The following ALK variants were observed in gnomAD, a reference collection of about 807,000 sequenced individuals.
ALK encodes the protein ALK tyrosine kinase receptor.
ALK carries 74 observed loss-of-function variants against 163.1 expected under a neutral mutation model. That is an observed-to-expected ratio of 0.45 (90% CI 0.38 to 0.55). The LOEUF is 0.55. Ranked by LOEUF, ALK falls within the 20% of genes least tolerant of loss-of-function variation. ALK has a pLI of 0.00. For synonymous variants in ALK, 960 were observed against 843.2 expected, an observed-to-expected ratio of 1.14 and a Z score of -2.40; for missense variants, 2,063 against 2,105.3, an observed-to-expected ratio of 0.98 and a Z score of 0.39.
chr2:29,519,751 G>C (rs182020094), intron 4 of ALK, among the ~76,000 whole-genome samples: 2 of 152,214 alleles, frequency 1.3e-5, no homozygotes, highest in Non-Finnish European at 2.9e-5. Flanking sequence ...AGGCCACTGC[G>C]AGAAAGGCTG....
At chr2:29,611,792 G>A (rs1233549851) in intron 3 of ALK, among the ~76,000 whole-genome samples, 2 of 152,094 alleles carry the variant, frequency 1.3e-5, no homozygotes, top group African/African-American at 2.4e-5. Context: ...CCTGCCACAG[G>A]TGTTTGCTTC....
chr2:29,432,428 C>T (rs948495141), intron 4 of ALK, among the ~76,000 whole-genome samples: 20 of 152,122 alleles, frequency 1.3e-4, no homozygotes, highest in East Asian at 5.8e-4. Context: ...CATCAGAAGC[C>T]GAACAGATGC....
At chr2:29,524,899 A>G (rs1672917147) in intron 4 of ALK, among the ~76,000 whole-genome samples, 2 of 151,838 alleles carry the variant, frequency 1.3e-5, no homozygotes, top group Non-Finnish European at 2.9e-5. Context: ...GGGTAGATGG[A>G]TGGATGGATA....
intron 4 of ALK, among the ~76,000 whole-genome samples, chr2:29,413,896 C>A (rs1454239428): frequency 1.3e-5 from 2 of 152,206 alleles, no homozygotes; most frequent in Non-Finnish European, 2.9e-5. Context: ...AACTCCTGAC[C>A]TCAGGTGACC....
At chr2:29,275,948 G>A (rs145844762) in intron 9 of ALK, among the ~76,000 whole-genome samples, 102 of 152,274 alleles carry the variant, frequency 6.7e-4, no homozygotes, top group African/African-American at 2.3e-3. Context: ...GGAGAAATGG[G>A]TAGGTCTGAC....
intron 1 of ALK, among the ~76,000 whole-genome samples, chr2:29,732,538 G>A (rs1161276262): frequency 1.3e-5 from 2 of 152,196 alleles, no homozygotes; most frequent in African/African-American, 4.8e-5. Flanking sequence ...AAGACTTGAG[G>A]AAGATGTGTT....
At chr2:29,675,030 T>A (rs1677831490) in intron 3 of ALK, among the ~76,000 whole-genome samples, 1 of 151,708 alleles carries the variant, frequency 6.6e-6, no homozygotes, top group South Asian at 2.1e-4. Context: ...ATCCCCTTTA[T>A]CATTTTTTAT....
At chr2:29,303,183 C>G (rs1404702551) in intron 8 of ALK, among the ~76,000 whole-genome samples, 1 of 152,052 alleles carries the variant, frequency 6.6e-6, no homozygotes, top group African/African-American at 2.4e-5. Context: ...AACCAAATAA[C>G]TTCATTAAAA....
intron 3 of ALK, among the ~76,000 whole-genome samples, chr2:29,593,197 C>A (rs868737583): frequency 1.3e-5 from 2 of 152,072 alleles, no homozygotes; most frequent in Admixed American, 1.3e-4. Context: ...ATGAAGCCAA[C>A]GTAACATTGG....
intron 3 of ALK, among the ~76,000 whole-genome samples, chr2:29,664,409 TCA>T (rs1677443193): frequency 6.6e-6 from 1 of 152,154 alleles, no homozygotes; most frequent in South Asian, 2.1e-4. Flanking sequence ...GACCTCAGAC[TCA>T]CAGCCTTTTT....
At chr2:29,834,824 T>C (rs950736682) in intron 1 of ALK, among the ~76,000 whole-genome samples, 1 of 152,188 alleles carries the variant, frequency 6.6e-6, no homozygotes, top group Admixed American at 6.5e-5. Context: ...GACCAGAGTT[T>C]CCTGATCTGC....
At chr2:29,367,438 A>AAGAC (rs1168550512) in intron 5 of ALK, among the ~76,000 whole-genome samples, 12 of 152,236 alleles carry the variant, frequency 7.9e-5, no homozygotes, top group Non-Finnish European at 1.5e-4. Context: ...GGGAGGAAGG[A>AAGAC]AGACAAAGAA....
rs529681212 is a variant in ALK, at chr2:29,289,980, G to C, written c.1817+6908C>G. Among the ~76,000 whole-genome samples, 3 of 152,338 alleles carry C rather than the reference G, an allele frequency of 2.0e-5. No individual in the cohort carries two copies. The East Asian group carries it at 5.8e-4, about 29-fold the overall frequency. On this transcript the variant is annotated intron_variant, in intron 9 of 28. Coordinates refer to ENST00000389048, the MANE Select transcript of ALK (RefSeq NM_004304.5). ...GTCTTCCCGCCAGCCTCCCTAATTA[G>C]ATGGAGATTGAGAGCTGGGGCTGTA...
In ALK at chr2:29,216,460, T is replaced by A. The variant is rs55688365; in HGVS notation, c.3646-2379A>T. Among the ~76,000 whole-genome samples the A allele has an allele frequency of 2.4e-3, 360 of 152,192 alleles. 1 individual carries two copies. The highest frequency in any genetic ancestry group is 3.9e-3 in the Non-Finnish European group (266 of 67,994). On this transcript the variant is annotated intron_variant, in intron 23 of 28. Coordinates refer to ENST00000389048, the MANE Select transcript of ALK (RefSeq NM_004304.5). ...GAAGCCCCAGGAGCCTGGAGCGCTGTGGGGACTAAATCTCTCTGGGCATTA... is the reference window on the plus strand; with the variant it reads ...GAAGCCCCAGGAGCCTGGAGCGCTGAGGGGACTAAATCTCTCTGGGCATTA...
At chr2:29,370,949 G>T (rs1668623995) in intron 5 of ALK, among the ~76,000 whole-genome samples, 1 of 152,240 alleles carries the variant, frequency 6.6e-6, no homozygotes. Flanking sequence ...GGGGGAATTA[G>T]TTAATGTTTG....
At chr2:29,841,375 C>A (rs1355919287) in intron 1 of ALK, among the ~76,000 whole-genome samples, 1 of 152,188 alleles carries the variant, frequency 6.6e-6, no homozygotes, top group Admixed American at 6.5e-5. Context: ...CAGAAAGAAA[C>A]TTAAAGCTAA....
At chr2:29,611,021 A>G (rs1291735634) in intron 3 of ALK, among the ~76,000 whole-genome samples, 1 of 152,168 alleles carries the variant, frequency 6.6e-6, no homozygotes, top group Non-Finnish European at 1.5e-5. Flanking sequence ...CAAAAGTAGA[A>G]CAGAAGTTTC....
chr2:29,850,495 A>G (rs1449960150), intron 1 of ALK, among the ~76,000 whole-genome samples: 1 of 152,222 alleles, frequency 6.6e-6, no homozygotes, highest in African/African-American at 2.4e-5. Flanking sequence ...CAAAGCCAGC[A>G]ACTCTCAGGG....
At chr2:29,720,530 T>C (rs1399105961) in intron 1 of ALK, among the ~76,000 whole-genome samples, 1 of 151,496 alleles carries the variant, frequency 6.6e-6, no homozygotes, top group South Asian at 2.1e-4. Flanking sequence ...AATGTGGGGG[T>C]CAGCCAAAAG....
Sources: gnomAD v4.1 joint callset for allele counts (sites outside exome capture counted in the v4.1 genomes callset) on GRCh38, gnomAD v4.1.1 for gene constraint, MANE v1.5 for transcripts, NCBI Gene and HGNC (gene_info 2026-07-23, HGNC 2026-07-21) for gene names.